The following KCND2 variants were observed in gnomAD, a reference collection of about 807,000 sequenced individuals.
KCND2 encodes the protein potassium voltage-gated channel subfamily D member 2, also known as A-type voltage-gated potassium channel KCND2.
A neutral mutation model predicts 54.4 loss-of-function variants in KCND2; 16 were observed. The ratio of observed to expected loss-of-function variants is 0.29; its 90% confidence interval spans 0.20 to 0.45. The LOEUF (loss-of-function observed/expected upper bound fraction) is 0.45, where lower values mean the gene tolerates loss of function less well. Ranked by LOEUF, KCND2 falls within the 20% of genes least tolerant of loss-of-function variation. The pLI, the probability that KCND2 is intolerant of heterozygous loss-of-function variation, is 1.00. For missense variants in KCND2, 486 were observed against 824.2 expected, an observed-to-expected ratio of 0.59 and a Z score of 5.02; for synonymous variants, 317 against 310.7, an observed-to-expected ratio of 1.02 and a Z score of -0.21.
At position 120,291,489 on chromosome 7, in the gene KCND2, A is replaced by G. The variant is rs537267016; in HGVS notation, c.1115+15742A>G. On this transcript the variant is annotated intron_variant, in intron 1 of 5. Coordinates refer to ENST00000331113, the MANE Select transcript of KCND2 (RefSeq NM_012281.3). The stretch of plus-strand genomic sequence containing the variant: ...TTGAACACAATTGTTTAGCAGAAAC[A>G]AACAAATATGATGTCCAGAAACACA... Among the ~76,000 whole-genome samples, 5 of 152,114 alleles carry G rather than the reference A, an allele frequency of 3.3e-5. No individual in the cohort carries two copies. In the South Asian group the frequency reaches 1.0e-3, roughly 32 times the overall value.
At chr7:120,442,309 A>G (rs887363806) in intron 1 of KCND2, among the ~76,000 whole-genome samples, 1 of 152,242 alleles carries the variant, frequency 6.6e-6, no homozygotes, top group South Asian at 2.1e-4. Context: ...TGTTAAGAAC[A>G]TTGGTTGTGA....
At chr7:120,640,790 A>G (rs985958931) in intron 1 of KCND2, among the ~76,000 whole-genome samples, 1 of 152,186 alleles carries the variant, frequency 6.6e-6, no homozygotes, top group Non-Finnish European at 1.5e-5. Context: ...TTGAAGTTTT[A>G]TTCATCAGCC....
Position 120,351,244 on chromosome 7 carries a change from G to GTATATATATATA in KCND2, c.1115+75509_1115+75520dup, listed in dbSNP as rs3067025. ...CATCATATTATATATTTATATGTGT[G>GTATATATATATA]TATATATATATATATATATATATCC... On this transcript the variant is annotated intron_variant, in intron 1 of 5. Coordinates refer to ENST00000331113, the MANE Select transcript of KCND2 (RefSeq NM_012281.3). Among the ~76,000 whole-genome samples, 423 of 137,332 alleles carry GTATATATATATA rather than the reference G, an allele frequency of 3.1e-3. 4 individuals carry two copies. Among genetic ancestry groups the GTATATATATATA allele is most frequent in the African/African-American group, 7.9e-3 (290 of 36,802 alleles). The allele number at this position is 137,332 out of a possible 152,430, so 90.1% of individuals were successfully genotyped here.
chr7:120,683,828 G>A (rs1792169453), intron 1 of KCND2, among the ~76,000 whole-genome samples: 1 of 151,710 alleles, frequency 6.6e-6, no homozygotes, highest in South Asian at 2.1e-4. Flanking sequence ...TTCTTTAAGA[G>A]AAATGAGAAG....
chr7:120,489,994 C>G (rs956218606), intron 1 of KCND2, among the ~76,000 whole-genome samples: 6 of 151,968 alleles, frequency 3.9e-5, no homozygotes, highest in African/African-American at 1.4e-4. Context: ...CGTTGTCACT[C>G]CAAAAAAAGG....
At chr7:120,541,345 A>T (rs373205506) in intron 1 of KCND2, among the ~76,000 whole-genome samples, 9 of 152,012 alleles carry the variant, frequency 5.9e-5, no homozygotes, top group East Asian at 5.8e-4. Context: ...AAGCTTTATT[A>T]AAAAAAGAGG....
At chr7:120,526,172 A>G (rs1489844633) in intron 1 of KCND2, among the ~76,000 whole-genome samples, 2 of 152,284 alleles carry the variant, frequency 1.3e-5, no homozygotes, top group Non-Finnish European at 2.9e-5. Flanking sequence ...ATGAATTTTC[A>G]TGTACAATTC....
chr7:120,617,112 G>T (rs1392233675), intron 1 of KCND2, among the ~76,000 whole-genome samples: 1 of 152,040 alleles, frequency 6.6e-6, no homozygotes, highest in Non-Finnish European at 1.5e-5. Context: ...GTGCCGCATG[G>T]GTAATTTATA....
At chr7:120,414,003 A>AG (rs1801488884) in intron 1 of KCND2, among the ~76,000 whole-genome samples, 1 of 150,158 alleles carries the variant, frequency 6.7e-6, no homozygotes, top group Non-Finnish European at 1.5e-5. Flanking sequence ...ACTGAAGTTC[A>AG]TTTTTTTCCT....
At chr7:120,641,676 A>G (rs182378660) in intron 1 of KCND2, among the ~76,000 whole-genome samples, 7 of 152,262 alleles carry the variant, frequency 4.6e-5, no homozygotes, top group Admixed American at 1.3e-4. Flanking sequence ...CAGCATTATT[A>G]CATCACTGAA....
intron 1 of KCND2, among the ~76,000 whole-genome samples, chr7:120,674,246 A>C (rs1056628875): frequency 6.6e-6 from 1 of 152,184 alleles, no homozygotes; most frequent in African/African-American, 2.4e-5. Flanking sequence ...GTAAACACAG[A>C]TGACATTTGT....
At chr7:120,380,462 C>T (rs1009893551) in intron 1 of KCND2, among the ~76,000 whole-genome samples, 1 of 151,730 alleles carries the variant, frequency 6.6e-6, no homozygotes, top group African/African-American at 2.4e-5. Flanking sequence ...TGATACAGCA[C>T]AAATTCCAAA....
intron 1 of KCND2, among the ~76,000 whole-genome samples, chr7:120,621,263 C>A (rs1391307053): frequency 3.7e-5 from 4 of 106,764 alleles, no homozygotes; most frequent in Non-Finnish European, 6.8e-5. Context: ...GGCGACAGAG[C>A]AAGACTCCGT....
intron 1 of KCND2, among the ~76,000 whole-genome samples, chr7:120,729,722 C>A (rs778494687): frequency 1.3e-5 from 2 of 152,232 alleles, no homozygotes; most frequent in Non-Finnish European, 2.9e-5. Context: ...TCACCATAAT[C>A]ATTGCAGTCC....
intron 1 of KCND2, among the ~76,000 whole-genome samples, chr7:120,353,629 G>C (rs1800448815): frequency 6.6e-6 from 1 of 152,086 alleles, no homozygotes; most frequent in South Asian, 2.1e-4. Context: ...ACTATCTATA[G>C]GGCGTCTAGT....
chr7:120,596,685 A>G (rs561312393), intron 1 of KCND2, among the ~76,000 whole-genome samples: 1 of 152,350 alleles, frequency 6.6e-6, no homozygotes, highest in South Asian at 2.1e-4. Flanking sequence ...AAATCTATCT[A>G]ATAGTACCTG....
intron 1 of KCND2, among the ~76,000 whole-genome samples, chr7:120,502,149 C>G (rs1190189293): frequency 6.6e-6 from 1 of 152,016 alleles, no homozygotes; most frequent in East Asian, 1.9e-4. Context: ...GTTTAAGTAG[C>G]AAACTCGGTC....
intron 1 of KCND2, among the ~76,000 whole-genome samples, chr7:120,374,690 C>T (rs1563025862): frequency 6.6e-6 from 1 of 151,742 alleles, no homozygotes; most frequent in Non-Finnish European, 1.5e-5. Flanking sequence ...GTGGCTTTGC[C>T]TTTCCTTTCA....
chr7:120,426,307 A>G (rs950949244), intron 1 of KCND2, among the ~76,000 whole-genome samples: 4 of 152,192 alleles, frequency 2.6e-5, no homozygotes, highest in Non-Finnish European at 4.4e-5. Context: ...TATGTCTCAA[A>G]GATAGGGATT....
Sources: allele counts gnomAD v4.1 joint callset (sites outside exome capture counted in the v4.1 genomes callset), GRCh38; gene constraint gnomAD v4.1.1; transcripts MANE v1.5; gene names NCBI Gene and HGNC (gene_info 2026-07-23, HGNC 2026-07-21).